RPS4Y1: variants seen among roughly 807,000 people sequenced by gnomAD.
RPS4Y1 encodes ribosomal protein S4 Y-linked 1, also known as small ribosomal subunit protein eS4, Y isoform 1.
For missense variants in RPS4Y1, 30 were observed against 60.9 expected (o/e 0.49, Z 1.69); for synonymous variants, 23 against 20.8 (o/e 1.10, Z -0.28).
At chrY:2,847,509 G>A in intron 4 of RPS4Y1, among the ~76,000 whole-genome samples, 1 of 33,626 alleles carries the variant, frequency 3.0e-5, no homozygotes, top group African/African-American at 1.2e-4. Context: ...AAAGAGTTTG[G>A]GTGAGCCCAT....
chrY:2,854,190 C>G (rs2051158099), intron 4 of RPS4Y1: 1 of 44,980 alleles, frequency 2.2e-5, no homozygotes, highest in African/African-American at 1.1e-4. Flanking sequence ...CTCTGGGGCT[C>G]TTTGTTACCA....
chrY:2,853,413 A>G (rs2051157477), intron 4 of RPS4Y1, among the ~76,000 whole-genome samples: 1 of 33,599 alleles, frequency 3.0e-5, no homozygotes. Flanking sequence ...ATATCTTTTA[A>G]CTTTTATAAG....
chrY:2,848,483 G>A, intron 4 of RPS4Y1, among the ~76,000 whole-genome samples: 1 of 33,944 alleles, frequency 2.9e-5, no homozygotes, highest in Non-Finnish European at 7.3e-5. Flanking sequence ...GAAGCGAAGA[G>A]TTTATCTGTG....
At chrY:2,856,243 G>A in intron 5 of RPS4Y1, among the ~76,000 whole-genome samples, 1 of 33,228 alleles carries the variant, frequency 3.0e-5, no homozygotes, top group African/African-American at 1.2e-4. Flanking sequence ...GGTTTGCGCC[G>A]TTTTCCTTCC....
In RPS4Y1 at chrY:2,865,272, T is replaced by C. The variant is rs2051166761; in HGVS notation, c.690+27T>C. ...TAAGACTTACACTCTCTTTACTTCT[T>C]TCTAAGAAGACTCATCCTAAAAAGC... On this transcript the variant is annotated intron_variant, in intron 6 of 6. Transcript: ENST00000250784. 1.1e-5 allele frequency: 4 copies of C among 377,955 alleles called. No homozygotes were observed. In the African/African-American group the frequency reaches 2.6e-4, roughly 25 times the overall value. 94.3% of individuals were successfully genotyped at this position (377,955 alleles called of 400,897 possible).
At chrY:2,863,072 G>A in intron 5 of RPS4Y1, among the ~76,000 whole-genome samples, 2 of 33,656 alleles carry the variant, frequency 5.9e-5, no homozygotes, top group Admixed American at 5.4e-4. Flanking sequence ...GTTTTCCTGG[G>A]AGTTGTCTGA....
At chrY:2,859,640 GT>G (rs2051162152) in intron 5 of RPS4Y1, among the ~76,000 whole-genome samples, 2 of 33,146 alleles carry the variant, frequency 6.0e-5, no homozygotes, top group Admixed American at 2.7e-4. Context: ...TTTACCATTG[GT>G]TTATGGTTAT....
At chrY:2,849,087 T>C (rs780823691) in intron 4 of RPS4Y1, among the ~76,000 whole-genome samples, 1 of 33,356 alleles carries the variant, frequency 3.0e-5, no homozygotes, top group South Asian at 6.9e-4. Context: ...GGTCCATCCA[T>C]GTTGTTGCAA....
chrY:2,854,723 A>C lies in RPS4Y1; in HGVS notation c.484A>C (p.Ile162Leu). 1 of 396,975 alleles carries C rather than the reference A, an allele frequency of 2.5e-6. No individual in the cohort carries two copies. The highest frequency in any genetic ancestry group is 3.5e-6 in the Non-Finnish European group (1 of 282,140). ...PVIKVNDTVQ[I>L]DLGTGKIINF... ...CATCAAGGTGAACGATACTGTGCAG[A>C]TTGATTTAGGGACTGGCAAGATAAT... Residue 162 changes from isoleucine to leucine, a missense_variant, in exon 5 of 7, where the codon ATT becomes CTT. Physicochemically the swap from Ile to Leu is conservative, Grantham distance 5. Transcript: ENST00000250784.
At chrY:2,860,166 G>A in intron 5 of RPS4Y1, among the ~76,000 whole-genome samples, 1 of 33,605 alleles carries the variant, frequency 3.0e-5, no homozygotes. Context: ...GCTGCTCTTC[G>A]TGGGAGTGGA....
intron 4 of RPS4Y1, among the ~76,000 whole-genome samples, 174 bp downstream of exon 4, chrY:2,845,917 A>AC (rs2051152715): frequency 2.9e-5 from 1 of 33,916 alleles, no homozygotes; most frequent in African/African-American, 1.2e-4. Flanking sequence ...TGGATTTTCC[A>AC]CACAAGACTG....
chrY:2,859,851 C>T (rs1050400186), intron 5 of RPS4Y1, among the ~76,000 whole-genome samples: 3 of 32,247 alleles, frequency 9.3e-5, no homozygotes, highest in Admixed American at 2.8e-4. Flanking sequence ...CAGCATTTCT[C>T]GTAAGGCCAG....
chrY:2,861,019 C>T, intron 5 of RPS4Y1, among the ~76,000 whole-genome samples: 1 of 32,919 alleles, frequency 3.0e-5, no homozygotes, highest in Non-Finnish European at 7.5e-5. Context: ...TATATTGTTC[C>T]TCTTGATGGT....
chrY:2,845,634 T>G lies in RPS4Y1; in HGVS notation c.263-12T>G. 1 of 379,432 alleles carries G rather than the reference T, an allele frequency of 2.6e-6. No individual in the cohort carries two copies. The highest frequency in any genetic ancestry group is 3.0e-5 in the South Asian group (1 of 33,335). The allele number at this position is 379,432 out of a possible 400,897, so 94.6% of individuals were successfully genotyped here. A position where few individuals can be genotyped will look rare whatever the true frequency, so the allele number is the denominator to read the frequency against. On this transcript the variant is annotated splice_polypyrimidine_tract_variant and intron_variant, in intron 3 of 6. Coordinates refer to ENST00000250784, the MANE Select transcript of RPS4Y1 (RefSeq NM_001008.4). ...TGTGTTAACGATGTTCCTTATACCCTTTTGTGATCAGATGTCATCAGCATC... is the reference window on the plus strand; with the variant it reads ...TGTGTTAACGATGTTCCTTATACCCGTTTGTGATCAGATGTCATCAGCATC...
chrY:2,845,618 G>A (rs1301046517), intron 3 of RPS4Y1, 28 bp from the exon 4 acceptor site: 2 of 343,099 alleles, frequency 5.8e-6, no homozygotes, highest in Non-Finnish European at 8.6e-6. Flanking sequence ...TTGTGTTAAC[G>A]ATGTTCCTTA....
chrY:2,842,008 C>T, intron 1 of RPS4Y1, 157 bp from the exon 2 acceptor site: 1 of 340,528 alleles, frequency 2.9e-6, no homozygotes, highest in Non-Finnish European at 4.2e-6. Context: ...TGGGGTCTGG[C>T]AGGAAGTAAT....
intron 4 of RPS4Y1, 22 bp from the exon 5 acceptor site, chrY:2,854,578 A>G (rs2051158536): frequency 2.6e-6 from 1 of 384,063 alleles, no homozygotes. Flanking sequence ...TATTGAATTG[A>G]TTTTCCTTGC....
At chrY:2,856,539 AT>A (rs765526356) in intron 5 of RPS4Y1, among the ~76,000 whole-genome samples, 2 of 32,334 alleles carry the variant, frequency 6.2e-5, no homozygotes. Flanking sequence ...AATTCAACAG[AT>A]TTTTTTTTCT....
intron 4 of RPS4Y1, 88 bp downstream of exon 4, chrY:2,845,831 C>T: frequency 1.1e-5 from 2 of 181,566 alleles, no homozygotes; most frequent in Non-Finnish European, 2.1e-5. Context: ...AGCCAGATTC[C>T]GGGAATATTT....
Sources: gnomAD v4.1 joint callset for allele counts (sites outside exome capture counted in the v4.1 genomes callset) on GRCh38, gnomAD v4.1.1 for gene constraint, MANE v1.5 for transcripts, NCBI Gene and HGNC (gene_info 2026-07-23, HGNC 2026-07-21) for gene names.